The following FYB1 variants were observed in gnomAD, a reference collection of about 807,000 sequenced individuals.
The protein encoded by FYB1 is FYN-binding protein 1.
Under a neutral mutation model 94.1 loss-of-function variants are expected in FYB1, and 41 were observed. The observed-to-expected ratio is 0.44, with a 90% confidence interval of 0.34 to 0.57. The LOEUF (loss-of-function observed/expected upper bound fraction) is 0.57, where lower values mean the gene tolerates loss of function less well. FYB1 is among the 20% of genes least tolerant of loss of function. FYB1 has a pLI of 0.02. For missense variants in FYB1, 1,050 were observed against 976.8 expected, an observed-to-expected ratio of 1.07 and a Z score of -1.00; for synonymous variants, 367 against 353.2, an observed-to-expected ratio of 1.04 and a Z score of -0.44.
At chr5:39,123,278 A>G (rs1206499170) in intron 13 of FYB1, among the ~76,000 whole-genome samples, 1 of 152,196 alleles carries the variant, frequency 6.6e-6, no homozygotes, top group Non-Finnish European at 1.5e-5. Context: ...TATTCAGGTT[A>G]ACTAATTTCA....
chr5:39,204,072 C>G (rs1032656399), intron 1 of FYB1, among the ~76,000 whole-genome samples: 4 of 152,258 alleles, frequency 2.6e-5, no homozygotes, highest in Admixed American at 2.6e-4. Context: ...GCTTTCCTAC[C>G]TCTCATCCCC....
chr5:39,139,236 A>T lies in FYB1; in HGVS notation c.1356T>A (p.Asp452Glu). ...VTHSDGAGNL[D>E]EEQDSEGETY... Reference sequence around the variant, plus strand: ...TGAGAAGAGAAAAAAATCTGACCTCATCTAGATTTCCAGCACCTAAAAGAT... The same window carrying T: ...TGAGAAGAGAAAAAAATCTGACCTCTTCTAGATTTCCAGCACCTAAAAGAT... The change falls in exon 5 of 19, where the codon GAT becomes GAA. Residue 452 changes from aspartate to glutamate, a missense_variant. Asp to Glu is a conservative substitution (Grantham distance 45, BLOSUM62 2). Coordinates refer to ENST00000512982, the MANE Select transcript of FYB1 (RefSeq NM_001465.6). 1 of 1,464,676 alleles carries T rather than the reference A, an allele frequency of 6.8e-7. No homozygotes were observed. Among genetic ancestry groups the T allele is most frequent in the Non-Finnish European group, 9.2e-7 (1 of 1,083,570 alleles). 90.7% of individuals were successfully genotyped at this position (1,464,676 alleles called of 1,614,324 possible).
At position 39,126,096 on chromosome 5, in the gene FYB1, G is replaced by A; in HGVS notation, c.1947C>T (p.Ser649=). 6.2e-7 allele frequency: 1 copy of A among 1,613,470 alleles called. No homozygotes were observed. The highest frequency in any genetic ancestry group is 8.5e-7 in the Non-Finnish European group (1 of 1,179,632). The change falls in exon 12 of 19, where the codon TCC becomes TCT. Residue 649 remains serine, a synonymous_variant. Transcript: ENST00000512982. ...LQVQEKSNTW[S]WGILKMLKGK... ...CCTTTAACATCTTCAAAATCCCCCA[G>A]GACCACGTATTACTCTTCTCTTGAA... is the stretch of plus-strand genomic sequence containing the variant.
At chr5:39,264,023 G>A (rs1382771395) in intron 1 of FYB1, among the ~76,000 whole-genome samples, 2 of 152,174 alleles carry the variant, frequency 1.3e-5, no homozygotes, top group African/African-American at 4.8e-5. Context: ...GGTATTAGAA[G>A]GTGAGGCCTT....
At chr5:39,194,615 A>G (rs571585993) in intron 2 of FYB1, among the ~76,000 whole-genome samples, 2 of 152,208 alleles carry the variant, frequency 1.3e-5, no homozygotes, top group African/African-American at 4.8e-5. Flanking sequence ...AGACCAACGG[A>G]TGCTGCTGGG....
chr5:39,239,520 C>G (rs747832964), intron 1 of FYB1, among the ~76,000 whole-genome samples: 54 of 152,142 alleles, frequency 3.5e-4, no homozygotes, highest in Middle Eastern at 3.4e-3. Flanking sequence ...CCAACAACAT[C>G]TAAGCTGAGA....
chr5:39,221,891 C>T (rs1380293317), upstream of FYB1, among the ~76,000 whole-genome samples: 2 of 152,052 alleles, frequency 1.3e-5, no homozygotes, highest in South Asian at 2.1e-4. Flanking sequence ...ATTCCAGCTA[C>T]TCAGGAGGCT....
chr5:39,198,894 C>A (rs1579647291), intron 2 of FYB1, among the ~76,000 whole-genome samples: 2 of 151,888 alleles, frequency 1.3e-5, no homozygotes, highest in African/African-American at 4.8e-5. Context: ...CATAAACATG[C>A]AAACATACAT....
At chr5:39,270,631 G>C in intron 1 of FYB1, 1 of 1,512,886 alleles carries the variant, frequency 6.6e-7, no homozygotes. Flanking sequence ...GTGCAGCTTG[G>C]ATAGTGAATG....
At chr5:39,190,904 AT>A (rs1367365901) in intron 2 of FYB1, among the ~76,000 whole-genome samples, 1 of 152,096 alleles carries the variant, frequency 6.6e-6, no homozygotes, top group Non-Finnish European at 1.5e-5. Flanking sequence ...AGAAGCTGCA[AT>A]CTAGATCCTC....
intron 1 of FYB1, among the ~76,000 whole-genome samples, chr5:39,205,640 G>C (rs1021052572): frequency 9.2e-5 from 14 of 152,106 alleles, no homozygotes; most frequent in African/African-American, 3.1e-4. Flanking sequence ...TCCTGGCTTT[G>C]GTTTAGAAAA....
chr5:39,173,043 C>T (rs1745397447), intron 2 of FYB1, among the ~76,000 whole-genome samples: 1 of 152,172 alleles, frequency 6.6e-6, no homozygotes, highest in Non-Finnish European at 1.5e-5. Flanking sequence ...TCCACCGTGG[C>T]TGAACTACCT....
intron 12 of FYB1, among the ~76,000 whole-genome samples, chr5:39,124,689 A>T (rs1344880352): frequency 6.6e-6 from 1 of 152,124 alleles, no homozygotes; most frequent in African/African-American, 2.4e-5. Context: ...AAAGAGCAGA[A>T]ATACAGACTC....
At chr5:39,210,538 A>C (rs562456514) in intron 1 of FYB1, among the ~76,000 whole-genome samples, 1 of 152,202 alleles carries the variant, frequency 6.6e-6, no homozygotes, top group Non-Finnish European at 1.5e-5. Context: ...CATGTGCATC[A>C]GTTGGATTTT....
At chr5:39,194,171 C>T (rs1386258544) in intron 2 of FYB1, among the ~76,000 whole-genome samples, 1 of 152,134 alleles carries the variant, frequency 6.6e-6, no homozygotes, top group Non-Finnish European at 1.5e-5. Context: ...CATACTTCTC[C>T]ACAGTAAATT....
At chr5:39,237,599 C>T (rs1333651268) in intron 1 of FYB1, among the ~76,000 whole-genome samples, 2 of 151,864 alleles carry the variant, frequency 1.3e-5, no homozygotes, top group South Asian at 2.1e-4. Flanking sequence ...TGCTTAGTGC[C>T]AGACTGGATA....
upstream of FYB1, among the ~76,000 whole-genome samples, chr5:39,222,350 A>G (rs1022213592): frequency 1.3e-5 from 2 of 152,330 alleles, no homozygotes; most frequent in Non-Finnish European, 1.5e-5. Flanking sequence ...TGCCAGGCAT[A>G]CAGAAGGCAC....
intron 2 of FYB1, among the ~76,000 whole-genome samples, chr5:39,197,187 G>T (rs1426210773): frequency 6.6e-6 from 1 of 152,078 alleles, no homozygotes; most frequent in Non-Finnish European, 1.5e-5. Context: ...AGTCTTTTTG[G>T]AGTCTCTGCA....
intron 1 of FYB1, among the ~76,000 whole-genome samples, chr5:39,206,723 G>A (rs1207638193): frequency 6.6e-6 from 1 of 152,152 alleles, no homozygotes; most frequent in East Asian, 1.9e-4. Flanking sequence ...ACTACATGGT[G>A]ACCTTCCCTA....
Sources: allele counts gnomAD v4.1 joint callset (sites outside exome capture counted in the v4.1 genomes callset), GRCh38; gene constraint gnomAD v4.1.1; transcripts MANE v1.5; gene names NCBI Gene and HGNC (gene_info 2026-07-23, HGNC 2026-07-21).